RNF169: variants seen among roughly 807,000 people sequenced by gnomAD.
RNF169 encodes the protein E3 ubiquitin-protein ligase RNF169.
In RNF169, 24 loss-of-function variants were observed where a neutral mutation model predicts 53.9. The ratio of observed to expected loss-of-function variants is 0.45; its 90% confidence interval spans 0.32 to 0.63. The LOEUF is 0.63. Ranked by LOEUF, RNF169 falls within the 20% of genes least tolerant of loss-of-function variation. The pLI is 0.04. For missense variants in RNF169, 883 were observed against 906.2 expected (o/e 0.97, Z 0.33); for synonymous variants, 396 against 363.5 (o/e 1.09, Z -1.02).
At chr11:74,814,976 G>A (rs995350476) in intron 3 of RNF169, among the ~76,000 whole-genome samples, 1 of 152,132 alleles carries the variant, frequency 6.6e-6, no homozygotes, top group Admixed American at 6.5e-5. Flanking sequence ...GCTCCCACCA[G>A]TAGTATGTGA....
At chr11:74,834,047 A>G (rs1304506563) in intron 4 of RNF169, among the ~76,000 whole-genome samples, 1 of 152,232 alleles carries the variant, frequency 6.6e-6, no homozygotes, top group Admixed American at 6.5e-5. Context: ...TTACTATGCT[A>G]TAGTGTAGTG....
At chr11:74,790,111 T>C (rs1194690766) in intron 2 of RNF169, among the ~76,000 whole-genome samples, 1 of 152,256 alleles carries the variant, frequency 6.6e-6, no homozygotes, top group Admixed American at 6.5e-5. Context: ...AAGAACTGTC[T>C]TGTAGGTCAG....
chr11:74,765,272 A>G (rs1482765079), intron 1 of RNF169, among the ~76,000 whole-genome samples: 1 of 152,222 alleles, frequency 6.6e-6, no homozygotes, highest in Non-Finnish European at 1.5e-5. Flanking sequence ...CATATGTAGA[A>G]CCATACACTT....
intron 4 of RNF169, among the ~76,000 whole-genome samples, chr11:74,822,577 G>T (rs2036029004): frequency 6.6e-6 from 1 of 152,160 alleles, no homozygotes; most frequent in Non-Finnish European, 1.5e-5. Context: ...TCAGTATGCT[G>T]TGGTGCAAAG....
rs140583557 is a variant in RNF169 at position 74,833,943 on chromosome 11, A to T, written c.843-733A>T. 7.7e-4 allele frequency among the ~76,000 whole-genome samples: 117 copies of T among 152,280 alleles called. 1 individual carries two copies. Among genetic ancestry groups the T allele is most frequent in the African/African-American group, 2.7e-3 (114 of 41,564 alleles). On this transcript the variant is annotated intron_variant, in intron 4 of 5. Coordinates refer to ENST00000299563, the MANE Select transcript of RNF169 (RefSeq NM_001098638.2). ...AGTTAAAAAATTTAACTCAAAATGG[A>T]CCAAAGACCTAAACTTAAGAGTCAA...
At chr11:74,821,733 A>G (rs958542197) in intron 4 of RNF169, among the ~76,000 whole-genome samples, 3 of 151,868 alleles carry the variant, frequency 2.0e-5, no homozygotes, top group African/African-American at 4.8e-5. Context: ...CATAAAATAC[A>G]TGAGTAGTTC....
intron 1 of RNF169, among the ~76,000 whole-genome samples, chr11:74,782,824 T>C (rs1012655650): frequency 6.6e-6 from 1 of 151,930 alleles, no homozygotes; most frequent in Non-Finnish European, 1.5e-5. Context: ...TTTGAATTCA[T>C]CATTAATTTA....
At chr11:74,771,720 T>C (rs567136598) in intron 1 of RNF169, among the ~76,000 whole-genome samples, 14 of 152,092 alleles carry the variant, frequency 9.2e-5, no homozygotes, top group Non-Finnish European at 2.1e-4. Flanking sequence ...AAATAAAATA[T>C]ACAAAATTAC....
chr11:74,835,223 C>T (rs1374541057), intron 5 of RNF169, among the ~76,000 whole-genome samples: 1 of 152,166 alleles, frequency 6.6e-6, no homozygotes, highest in Non-Finnish European at 1.5e-5. Context: ...ACACCTGTCT[C>T]AGCTTCCCAA....
chr11:74,749,147 A>G lies in RNF169; in HGVS notation c.267A>G (p.Arg89=). 7.8e-7 allele frequency: 1 copy of G among 1,285,316 alleles called. No homozygotes were observed. The highest frequency in any genetic ancestry group is 9.8e-7 in the Non-Finnish European group (1 of 1,017,420). 79.6% of individuals were successfully genotyped at this position (1,285,316 alleles called of 1,614,324 possible). Residue 89 remains arginine, a synonymous_variant, in exon 1 of 6, where the codon CGA becomes CGG. Coordinates refer to ENST00000299563, the MANE Select transcript of RNF169 (RefSeq NM_001098638.2). ...TGCCGTGCGGCCACTCGCTTTGCCG[A>G]GGCTGCGCCCAACGCGCCGCCGACG... is the stretch of plus-strand genomic sequence containing the variant. ...AALPCGHSLC[R]GCAQRAADAA... is the part of the protein sequence containing the mutation.
chr11:74,791,696 G>A (rs2035581954), intron 2 of RNF169, among the ~76,000 whole-genome samples: 1 of 152,252 alleles, frequency 6.6e-6, no homozygotes, highest in Admixed American at 6.5e-5. Flanking sequence ...GGCAGTGGGA[G>A]CAGGCACTTC....
intron 2 of RNF169, among the ~76,000 whole-genome samples, chr11:74,794,529 G>A (rs903769263): frequency 6.6e-6 from 1 of 152,218 alleles, no homozygotes; most frequent in Non-Finnish European, 1.5e-5. Flanking sequence ...AGGCTTAAAT[G>A]TGAGCCTTGG....
At chr11:74,759,762 T>TA (rs1343823815) in intron 1 of RNF169, among the ~76,000 whole-genome samples, 1 of 149,244 alleles carries the variant, frequency 6.7e-6, no homozygotes, top group African/African-American at 2.5e-5. Flanking sequence ...GATATTGGTC[T>TA]AAAATTCTCT....
At position 74,817,709 on chromosome 11, in the gene RNF169, G is replaced by A. The variant is rs762482028; in HGVS notation, c.837G>A (p.Leu279=). ...ACAACTCCTACTCCTTAGCTTTCCT[G>A]GCAGGGTAAGAGACTGATGCTGAAT... ...SKNNSYSLAF[L]AGKLNSKVER... is the part of the protein sequence containing the mutation. Residue 279 remains leucine, a synonymous_variant, in exon 4 of 6, where the codon CTG becomes CTA. Transcript: ENST00000299563. 6.2e-7 allele frequency: 1 copy of A among 1,601,232 alleles called. No individual in the cohort carries two copies. The highest frequency in any genetic ancestry group is 8.6e-7 in the Non-Finnish European group (1 of 1,168,266).
chr11:74,778,793 C>A (rs2035374899), intron 1 of RNF169, among the ~76,000 whole-genome samples: 1 of 152,204 alleles, frequency 6.6e-6, no homozygotes, highest in Non-Finnish European at 1.5e-5. Flanking sequence ...TCAGGTGTTC[C>A]TCATAGACAA....
chr11:74,778,985 T>C (rs2035377801), intron 1 of RNF169, among the ~76,000 whole-genome samples: 2 of 152,220 alleles, frequency 1.3e-5, no homozygotes, highest in Admixed American at 6.5e-5. Flanking sequence ...AAAGCAATAC[T>C]GCGTATTATT....
At chr11:74,752,437 A>G (rs906007441) in intron 1 of RNF169, among the ~76,000 whole-genome samples, 20 of 151,718 alleles carry the variant, frequency 1.3e-4, no homozygotes, top group African/African-American at 4.8e-4. Context: ...TCTCTACTAA[A>G]AATACAAAAA....
intron 1 of RNF169, among the ~76,000 whole-genome samples, chr11:74,764,599 CTTA>C (rs1326732346): frequency 2.6e-5 from 4 of 152,112 alleles, no homozygotes; most frequent in African/African-American, 7.2e-5. Flanking sequence ...TCTAAAAGAA[CTTA>C]TTATAAACCT....
At chr11:74,749,502 G>C (rs935410926) in intron 1 of RNF169, 120 bp downstream of exon 1, 6 of 862,084 alleles carry the variant, frequency 7.0e-6, no homozygotes, top group African/African-American at 1.8e-5. Flanking sequence ...GTTCTCGTGG[G>C]ATTAGAACCC....
Sources: gnomAD v4.1 joint callset for allele counts (sites outside exome capture counted in the v4.1 genomes callset) on GRCh38, gnomAD v4.1.1 for gene constraint, MANE v1.5 for transcripts, NCBI Gene and HGNC (gene_info 2026-07-23, HGNC 2026-07-21) for gene names.